The following ZFYVE26 variants were observed in gnomAD, a reference collection of about 807,000 sequenced individuals.
ZFYVE26 encodes zinc finger FYVE-type containing 26, also known as zinc finger FYVE domain-containing protein 26.
ZFYVE26 carries 181 observed loss-of-function variants against 276.5 expected under a neutral mutation model. That is an observed-to-expected ratio of 0.65 (90% CI 0.58 to 0.74). The LOEUF is 0.74. Ranked by LOEUF, ZFYVE26 falls within the 30% of genes least tolerant of loss-of-function variation. The pLI is 0.00. For missense variants in ZFYVE26, 2,821 were observed against 3,097.9 expected, an observed-to-expected ratio of 0.91 and a Z score of 2.12; for synonymous variants, 1,129 against 1,203.1, an observed-to-expected ratio of 0.94 and a Z score of 1.27.
At chr14:67,730,810 G>C (rs1430632278) in intron 13 of ZFYVE26, among the ~76,000 whole-genome samples, 1 of 152,012 alleles carries the variant, frequency 6.6e-6, no homozygotes, top group Admixed American at 6.6e-5. Flanking sequence ...CACCATGTTG[G>C]CCAGGCTGGT....
At chr14:67,782,278 A>G (rs1192265030) in intron 21 of ZFYVE26, among the ~76,000 whole-genome samples, 1 of 152,236 alleles carries the variant, frequency 6.6e-6, no homozygotes, top group Non-Finnish European at 1.5e-5. Flanking sequence ...AAACAGACCC[A>G]CAATCTGCTT....
intron 41 of ZFYVE26, 151 bp downstream of exon 41, chr14:67,750,901 C>G: frequency 2.1e-6 from 2 of 965,260 alleles, no homozygotes; most frequent in Non-Finnish European, 3.3e-6. Context: ...TTTCTACACC[C>G]CTATCCAAGC....
chr14:67,783,902 A>C (rs746549374), intron 20 of ZFYVE26, among the ~76,000 whole-genome samples: 3 of 152,246 alleles, frequency 2.0e-5, no homozygotes, highest in African/African-American at 7.2e-5. Flanking sequence ...TGTATAATAA[A>C]GCTGTAGGAT....
chr14:67,804,393 T>A, intron 8 of ZFYVE26, 129 bp from the exon 9 acceptor site: 9 of 1,198,278 alleles, frequency 7.5e-6, no homozygotes, highest in Non-Finnish European at 1.1e-5. Flanking sequence ...CCCTACAATC[T>A]AAATTTTAGT....
intron 35 of ZFYVE26, among the ~76,000 whole-genome samples, chr14:67,757,654 C>CTTTCTTTCTT (rs1235861626): frequency 3.0e-5 from 1 of 33,720 alleles, no homozygotes; most frequent in Non-Finnish European, 8.8e-5. Context: ...TTCTTTCTTT[C>CTTTCTTTCTT]TTTCTTTCTT....
intron 9 of ZFYVE26, among the ~76,000 whole-genome samples, 182 bp from the exon 10 acceptor site, chr14:67,802,464 T>C (rs1471943535): frequency 3.3e-5 from 5 of 152,210 alleles, no homozygotes; most frequent in African/African-American, 1.2e-4. Context: ...GTATCAACTT[T>C]CAGTTCCCTG....
At chr14:67,775,478 T>C (rs950466326) in intron 26 of ZFYVE26, among the ~76,000 whole-genome samples, 5 of 152,182 alleles carry the variant, frequency 3.3e-5, no homozygotes, top group African/African-American at 4.8e-5. Flanking sequence ...TTCTTCAATG[T>C]AGAAGAGGCT....
intron 25 of ZFYVE26, among the ~76,000 whole-genome samples, chr14:67,777,282 T>A (rs1167698948): frequency 6.6e-6 from 1 of 152,132 alleles, no homozygotes; most frequent in Non-Finnish European, 1.5e-5. Flanking sequence ...TAAAGGCAAC[T>A]TAAGAGGACC....
At chr14:67,802,383 T>C in intron 9 of ZFYVE26, 101 bp from the exon 10 acceptor site, 4 of 1,177,472 alleles carry the variant, frequency 3.4e-6, no homozygotes, top group Middle Eastern at 2.3e-4. Context: ...AGAGGTCCAC[T>C]TGTAGGTTCT....
intron 20 of ZFYVE26, among the ~76,000 whole-genome samples, chr14:67,783,750 C>T (rs564190031): frequency 6.6e-6 from 1 of 152,200 alleles, no homozygotes; most frequent in African/African-American, 2.4e-5. Flanking sequence ...CAGAGAGGAC[C>T]CTCTTTAGTT....
Position 67,802,103 on chromosome 14 carries a change from C to T in ZFYVE26, c.1615G>A (p.Ala539Thr). ...SEDLASATEPANDSLSSPGAA... is the reference protein window; with the variant it reads ...SEDLASATEPTNDSLSSPGAA... ...CCTGGGGAGGAGAGAGAGTCATTCG[C>T]TGGCTCTGTAGCTGAGGCCAGGTCC... The change falls in exon 10 of 42, where the codon GCG becomes ACG. Residue 539 changes from alanine (A) to threonine (T), a missense_variant. Physicochemically the swap from Ala to Thr is moderately conservative, Grantham distance 58 (BLOSUM62 0). Transcript: ENST00000347230. The T allele has an allele frequency of 6.2e-7, 1 of 1,613,436 alleles. No homozygotes were observed. Among genetic ancestry groups the T allele is most frequent in the Non-Finnish European group, 8.5e-7 (1 of 1,180,030 alleles).
At position 67,752,091 on chromosome 14, in the gene ZFYVE26, T is replaced by C. The variant is rs890893592; in HGVS notation, c.7371+253A>G. 2.6e-5 allele frequency among the ~76,000 whole-genome samples: 4 copies of C among 152,190 alleles called. No individual in the cohort carries two copies. The South Asian group carries it at 6.2e-4, about 24-fold the overall frequency. ...AATTGCAGGAAGAAGCTCAACTCCA[T>C]AGACACATCCAGGTGCAAACAAATT... On this transcript the variant is annotated intron_variant, in intron 40 of 41. Transcript: ENST00000347230.
chr14:67,731,165 T>C (rs1346379040), intron 13 of ZFYVE26, among the ~76,000 whole-genome samples: 2 of 151,510 alleles, frequency 1.3e-5, no homozygotes, highest in African/African-American at 4.8e-5. Context: ...CAAAATGACA[T>C]ATGTGGCTCA....
chr14:67,757,776 G>A (rs986831635), intron 35 of ZFYVE26, among the ~76,000 whole-genome samples: 15 of 151,108 alleles, frequency 9.9e-5, no homozygotes, highest in Non-Finnish European at 1.9e-4. Flanking sequence ...GTGCAGTGGC[G>A]CAATCTCAGC....
At chr14:67,754,625 A>T (rs915996590) in intron 37 of ZFYVE26, among the ~76,000 whole-genome samples, 1 of 152,210 alleles carries the variant, frequency 6.6e-6, no homozygotes, top group African/African-American at 2.4e-5. Flanking sequence ...TAGAGCATTT[A>T]CTCCAGATGT....
intron 22 of ZFYVE26, among the ~76,000 whole-genome samples, chr14:67,780,686 T>C (rs2140219518): frequency 6.6e-6 from 1 of 152,326 alleles, no homozygotes; most frequent in East Asian, 1.9e-4. Context: ...CTGGCTTGAA[T>C]GCTCTGTGGG....
chr14:67,748,629 T>G lies in ZFYVE26; in HGVS notation c.7427A>C (p.Tyr2476Ser). Residue 2476 changes from tyrosine to serine, a missense_variant, in exon 42 of 42, where the codon TAC becomes TCC. Tyr to Ser is a moderately radical substitution (Grantham distance 144). Coordinates refer to ENST00000347230, the MANE Select transcript of ZFYVE26 (RefSeq NM_015346.4). ...IHNDDNKVRA[Y>S]LICCKLRSAY... ...AGAACGCAGTTTGCAACATATCAGGTAGGCCCGAACCTGGCAGTCAGTTAT... is the reference window on the plus strand; with the variant it reads ...AGAACGCAGTTTGCAACATATCAGGGAGGCCCGAACCTGGCAGTCAGTTAT... 2 of 1,613,976 alleles carry G rather than the reference T, an allele frequency of 1.2e-6. No homozygotes were observed. Among genetic ancestry groups the G allele is most frequent in the Non-Finnish European group, 1.7e-6 (2 of 1,180,026 alleles).
rs569197660 is a variant in ZFYVE26, at chr14:67,788,298, A to G, written c.3019+1037T>C. Among the ~76,000 whole-genome samples the G allele has an allele frequency of 6.0e-4, 91 of 152,304 alleles. 1 individual carries two copies. The highest frequency in any genetic ancestry group is 3.7e-3 in the Admixed American group (56 of 15,292). ...CAGTTACTTGGGAGGCTGAGGCAGGAGAATCGCTTGAACCCGGGAGGTGGA... is the reference window on the plus strand; with the variant it reads ...CAGTTACTTGGGAGGCTGAGGCAGGGGAATCGCTTGAACCCGGGAGGTGGA... On this transcript the variant is annotated intron_variant, in intron 16 of 41. Coordinates refer to ENST00000347230, the MANE Select transcript of ZFYVE26 (RefSeq NM_015346.4).
At chr14:67,812,275 C>T (rs8009762) in intron 3 of ZFYVE26, among the ~76,000 whole-genome samples, 5,614 of 152,174 alleles carry the variant, frequency 0.037, 307 homozygotes, top group African/African-American at 0.12. Flanking sequence ...GTAGCATAGA[C>T]GTGAACATTT....
Sources: gnomAD v4.1 joint callset for allele counts (sites outside exome capture counted in the v4.1 genomes callset) on GRCh38, gnomAD v4.1.1 for gene constraint, MANE v1.5 for transcripts, NCBI Gene and HGNC (gene_info 2026-07-23, HGNC 2026-07-21) for gene names.